The following MAGI1 variants were observed in gnomAD, a reference collection of about 807,000 sequenced individuals.
MAGI1 encodes membrane-associated guanylate kinase, WW and PDZ domain-containing protein 1.
Under a neutral mutation model 139.9 loss-of-function variants are expected in MAGI1, and 58 were observed. That is an observed-to-expected ratio of 0.41 (90% CI 0.34 to 0.52). The LOEUF is 0.52. Ranked by LOEUF, MAGI1 falls within the 20% of genes least tolerant of loss-of-function variation. MAGI1 has a pLI of 0.12. For missense variants in MAGI1, 1,874 were observed against 1,901.6 expected, an observed-to-expected ratio of 0.99 and a Z score of 0.27; for synonymous variants, 812 against 737.9, an observed-to-expected ratio of 1.10 and a Z score of -1.63.
chr3:65,414,422 G>A (rs920177712), intron 12 of MAGI1, among the ~76,000 whole-genome samples: 3 of 152,146 alleles, frequency 2.0e-5, no homozygotes, highest in Non-Finnish European at 2.9e-5. Flanking sequence ...CCTTGAATCC[G>A]AACGCTTTCT....
intron 8 of MAGI1, among the ~76,000 whole-genome samples, chr3:65,440,838 C>CATAT (rs1330506622): frequency 1.4e-4 from 10 of 71,576 alleles, no homozygotes; most frequent in African/African-American, 4.2e-4. Flanking sequence ...TATACATATA[C>CATAT]ATATATACAT....
chr3:65,713,976 G>A (rs754245862), intron 1 of MAGI1, among the ~76,000 whole-genome samples: 12 of 152,126 alleles, frequency 7.9e-5, no homozygotes, highest in Non-Finnish European at 1.5e-4. Flanking sequence ...GGGGACATAC[G>A]AAAAGCTCAA....
intron 10 of MAGI1, among the ~76,000 whole-genome samples, chr3:65,434,668 A>C (rs1947706425): frequency 1.3e-5 from 2 of 152,180 alleles, no homozygotes; most frequent in Admixed American, 1.3e-4. Flanking sequence ...GGTAACCCAG[A>C]GTTATAACCA....
chr3:65,489,770 GT>G (rs1173325252), intron 3 of MAGI1, among the ~76,000 whole-genome samples: 16 of 152,194 alleles, frequency 1.1e-4, no homozygotes, highest in African/African-American at 3.9e-4. Flanking sequence ...GTACATATAA[GT>G]TTTCTGAATA....
intron 1 of MAGI1, among the ~76,000 whole-genome samples, chr3:66,017,788 C>T (rs761507809): frequency 2.0e-5 from 3 of 152,176 alleles, no homozygotes; most frequent in Non-Finnish European, 4.4e-5. Context: ...TACATGAAGC[C>T]CAACAGCCAG....
intron 1 of MAGI1, among the ~76,000 whole-genome samples, chr3:66,033,032 T>G (rs1309293106): frequency 6.6e-6 from 1 of 151,290 alleles, no homozygotes; most frequent in Admixed American, 6.6e-5. Flanking sequence ...GAGCTATCTT[T>G]TGTGTGTGTG....
chr3:65,987,912 C>A (rs891844759), intron 1 of MAGI1, among the ~76,000 whole-genome samples: 1 of 152,210 alleles, frequency 6.6e-6, no homozygotes, highest in East Asian at 1.9e-4. Flanking sequence ...AAGTCCATCA[C>A]GAATTACATA....
At chr3:65,497,759 C>T (rs1282811099) in intron 2 of MAGI1, among the ~76,000 whole-genome samples, 1 of 152,064 alleles carries the variant, frequency 6.6e-6, no homozygotes, top group African/African-American at 2.4e-5. Flanking sequence ...GTCTTAATTT[C>T]CTGAGAGGAT....
intron 2 of MAGI1, among the ~76,000 whole-genome samples, chr3:65,520,856 G>C (rs546930823): frequency 2.6e-4 from 39 of 152,262 alleles, no homozygotes; most frequent in African/African-American, 9.4e-4. Flanking sequence ...TGGTAGTCAT[G>C]GGAGCTAACT....
chr3:65,523,836 C>A (rs1428472079), intron 2 of MAGI1, among the ~76,000 whole-genome samples: 2 of 152,160 alleles, frequency 1.3e-5, no homozygotes, highest in East Asian at 3.9e-4. Flanking sequence ...AATTTTGTAT[C>A]ATTTAAAATC....
At chr3:65,787,428 T>C (rs116332919) in intron 1 of MAGI1, among the ~76,000 whole-genome samples, 1 of 151,794 alleles carries the variant, frequency 6.6e-6, no homozygotes, top group Non-Finnish European at 1.5e-5. Flanking sequence ...AAAGATGTTA[T>C]GTTTAGTCGG....
At chr3:65,489,924 CTTTAAAG>C (rs1441151191) in intron 3 of MAGI1, among the ~76,000 whole-genome samples, 1 of 152,134 alleles carries the variant, frequency 6.6e-6, no homozygotes, top group Non-Finnish European at 1.5e-5. Flanking sequence ...ATATGTCTTC[CTTTAAAG>C]AGTGCTTTGT....
chr3:65,445,171 C>T (rs1001520087), intron 7 of MAGI1, among the ~76,000 whole-genome samples: 2 of 152,140 alleles, frequency 1.3e-5, no homozygotes, highest in Non-Finnish European at 2.9e-5. Flanking sequence ...TTGGCATTGC[C>T]CAGATATAAG....
At chr3:65,670,081 CT>C (rs2086763167) in intron 1 of MAGI1, among the ~76,000 whole-genome samples, 1 of 152,044 alleles carries the variant, frequency 6.6e-6, no homozygotes, top group African/African-American at 2.4e-5. Flanking sequence ...GATATTTGTT[CT>C]TGTTTCGATT....
chr3:65,915,900 A>C (rs2061878025), intron 1 of MAGI1, among the ~76,000 whole-genome samples: 1 of 151,866 alleles, frequency 6.6e-6, no homozygotes. Context: ...ATGTTGAAAA[A>C]GCAAGATGCA....
intron 3 of MAGI1, among the ~76,000 whole-genome samples, chr3:65,491,845 T>C (rs917286383): frequency 2.0e-5 from 3 of 151,982 alleles, no homozygotes; most frequent in Non-Finnish European, 4.4e-5. Flanking sequence ...AAACAAAAAT[T>C]CCTGATTCAT....
At chr3:65,722,126 C>T (rs2033103745) in intron 1 of MAGI1, among the ~76,000 whole-genome samples, 1 of 152,138 alleles carries the variant, frequency 6.6e-6, no homozygotes, top group African/African-American at 2.4e-5. Flanking sequence ...GGCTTAAGAA[C>T]TGAGTCAACC....
chr3:65,546,052 C>A (rs2079489967), intron 2 of MAGI1, among the ~76,000 whole-genome samples: 1 of 151,922 alleles, frequency 6.6e-6, no homozygotes, highest in Non-Finnish European at 1.5e-5. Flanking sequence ...TCTGTCCCAA[C>A]CCTAGCCTTC....
chr3:65,969,187 C>T (rs993586948), intron 1 of MAGI1, among the ~76,000 whole-genome samples: 1 of 152,202 alleles, frequency 6.6e-6, no homozygotes, highest in Non-Finnish European at 1.5e-5. Context: ...TCTCCATCTT[C>T]ATGACTTCAT....
Sources: gnomAD v4.1 joint callset for allele counts (sites outside exome capture counted in the v4.1 genomes callset) on GRCh38, gnomAD v4.1.1 for gene constraint, MANE v1.5 for transcripts, NCBI Gene and HGNC (gene_info 2026-07-23, HGNC 2026-07-21) for gene names.